The following TBX4 variants were observed in gnomAD, a reference collection of about 807,000 sequenced individuals.
TBX4 encodes the protein T-box transcription factor 4, also known as T-box transcription factor TBX4.
Under a neutral mutation model 54.6 loss-of-function variants are expected in TBX4, and 13 were observed. The ratio of observed to expected loss-of-function variants is 0.24; its 90% CI spans 0.15 to 0.38. TBX4 has a LOEUF of 0.38. Among genes scored for constraint, TBX4 ranks in the 10% least tolerant of loss-of-function variants. The pLI is 1.00. For missense variants in TBX4, 631 were observed against 728.5 expected, an observed-to-expected ratio of 0.87 and a Z score of 1.54; for synonymous variants, 314 against 306.7, an observed-to-expected ratio of 1.02 and a Z score of -0.25.
Position 61,474,575 on chromosome 17 carries a change from A to G in TBX4, c.550-4052A>G, listed in dbSNP as rs937837967. Among the ~76,000 whole-genome samples, 1 of 152,228 alleles carries G rather than the reference A, an allele frequency of 6.6e-6. No homozygotes were observed. The highest frequency in any genetic ancestry group is 1.5e-5 in the Non-Finnish European group (1 of 68,044). ...AGCACGCTATGGCGATCTCTTGAGG[A>G]GAGGGATGTTTGGCGCAATTGCAGT... On this transcript the variant is annotated intron_variant, in intron 5 of 8. Coordinates refer to ENST00000644296, the MANE Select transcript of TBX4 (RefSeq NM_001321120.2). This position sits in a 1 kb window ranked among gnomAD's most constrained non-coding sequence, Gnocchi z 4.6.
chr17:61,470,533 T>C (rs750489834), intron 5 of TBX4, among the ~76,000 whole-genome samples: 1 of 152,088 alleles, frequency 6.6e-6, no homozygotes, highest in Non-Finnish European at 1.5e-5. Flanking sequence ...TCCTTGTGGG[T>C]TTTTGCTGTG....
In TBX4 at chr17:61,472,619, A is replaced by T. The variant is rs1254394100; in HGVS notation, c.549+4962A>T. 6.6e-6 allele frequency among the ~76,000 whole-genome samples: 1 copy of T among 152,218 alleles called. No individual in the cohort carries two copies. The highest frequency in any genetic ancestry group is 1.9e-4 in the East Asian group (1 of 5,200). ...ATTCCCACACCGATGCTTTTGATTG[A>T]ATTGACCAGTCTTTTCCTTATAGAT... On this transcript the variant is annotated intron_variant, in intron 5 of 8. Transcript: ENST00000644296. The surrounding 1 kb of genome is among the most constrained non-coding windows in gnomAD (Gnocchi z 4.5).
chr17:61,482,803 A>C, intron 8 of TBX4, 94 bp from the exon 9 acceptor site: 2 of 1,569,000 alleles, frequency 1.3e-6, no homozygotes, highest in Admixed American at 3.5e-5. Flanking sequence ...GCGGGCGCAG[A>C]GGGACAAGGA....
At position 61,456,586 on chromosome 17, in the gene TBX4, C is replaced by G. The variant is rs1439548092; in HGVS notation, c.96C>G (p.Pro32=). 2.6e-6 allele frequency: 4 copies of G among 1,532,614 alleles called. No individual in the cohort carries two copies. 94.9% of individuals were successfully genotyped at this position (1,532,614 alleles called of 1,614,324 possible). A position where few individuals can be genotyped will look rare whatever the true frequency, so the allele number is the denominator to read the frequency against. The change falls in exon 2 of 9, where the codon CCC becomes CCG. Residue 32 remains proline (P), a synonymous_variant. Coordinates refer to ENST00000644296, the MANE Select transcript of TBX4 (RefSeq NM_001321120.2). The stretch of plus-strand genomic sequence containing the variant: ...CCAGCGCAGCCAACGCCCCCGAGCC[C>G]GCGCTGGCAGCGCCGGGCCTCAGCG... ...GEASAANAPE[P]ALAAPGLSGA...
intron 1 of TBX4, chr17:61,453,022 A>G: frequency 8.2e-6 from 8 of 980,930 alleles, no homozygotes; most frequent in Non-Finnish European, 9.7e-6. Context: ...AGAGCCTTTG[A>G]TGCAATAGAC....
rs2060457039 is a variant in TBX4 at position 61,457,114 on chromosome 17, A to C, written c.187-423A>C. The stretch of plus-strand genomic sequence containing the variant: ...CGTCGCCGAGGGCTTCACAGTGATA[A>C]TCGGACGATCACAGCGCACGGGATG... On this transcript the variant is annotated intron_variant, in intron 2 of 8. Transcript: ENST00000644296. This position sits in a 1 kb window ranked among gnomAD's most constrained non-coding sequence, Gnocchi z 8.2. Among the ~76,000 whole-genome samples the C allele has an allele frequency of 6.6e-6, 1 of 152,080 alleles. No homozygotes were observed.
rs112008276 is a variant in TBX4, at chr17:61,480,394, GCCC to G, written c.1021+84_1021+86del. ...GTTCTCCCCGAAACCACTCTGCAGC[GCCC>G]CCCCCCCCAACACACACACACTCAT... On this transcript the variant is annotated intron_variant, in intron 8 of 8. Coordinates refer to ENST00000644296, the MANE Select transcript of TBX4 (RefSeq NM_001321120.2). The surrounding 1 kb of genome is among the most constrained non-coding windows in gnomAD (Gnocchi z 6.2). 1.4e-3 allele frequency: 1,292 copies of G among 936,732 alleles called. 10 individuals are homozygous for G. The African/African-American group carries it at 0.017, about 12-fold the overall frequency. 58.0% of individuals were successfully genotyped at this position (936,732 alleles called of 1,614,324 possible).
At position 61,483,961 on chromosome 17, in the gene TBX4, A is replaced by G. The variant is rs2143874886; in HGVS notation, c.*445A>G. The stretch of plus-strand genomic sequence containing the variant: ...CTGCTGGGGTGTGAGGACTCTGTGC[A>G]CACCTTAGAGTTCCTGGCCTTCTCT... On this transcript the variant is annotated 3_prime_UTR_variant, in exon 9 of 9. Coordinates refer to ENST00000644296, the MANE Select transcript of TBX4 (RefSeq NM_001321120.2). This position sits in a 1 kb window ranked among gnomAD's most constrained non-coding sequence, Gnocchi z 6.6. 1 of 213,962 alleles carries G rather than the reference A, an allele frequency of 4.7e-6. No individual in the cohort carries two copies. Among genetic ancestry groups the G allele is most frequent in the East Asian group, 1.2e-4 (1 of 8,532 alleles). 13.3% of individuals were successfully genotyped at this position (213,962 alleles called of 1,614,324 possible). A position where few individuals can be genotyped will look rare whatever the true frequency, so the allele number is the denominator to read the frequency against.
Position 61,462,232 on chromosome 17 carries a change from C to T in TBX4, c.282-3587C>T, listed in dbSNP as rs971955752. 1.3e-5 allele frequency among the ~76,000 whole-genome samples: 2 copies of T among 152,186 alleles called. No individual in the cohort carries two copies. Among genetic ancestry groups the T allele is most frequent in the Admixed American group, 1.3e-4 (2 of 15,290 alleles). On this transcript the variant is annotated intron_variant, in intron 3 of 8. Coordinates refer to ENST00000644296, the MANE Select transcript of TBX4 (RefSeq NM_001321120.2). The surrounding 1 kb of genome is among the most constrained non-coding windows in gnomAD (Gnocchi z 4.5). ...TAGATAAAGGCTCCAGCTCCGCACC[C>T]TTTCAGAGCCTGTTTCATGATCAGA...
Position 61,452,437 on chromosome 17 carries a change from C to T in TBX4, c.-144C>T, listed in dbSNP as rs2060421281. On this transcript the variant is annotated 5_prime_UTR_variant, in exon 1 of 9. Transcript: ENST00000644296. ...GGCCCGCTCCAGAGCCGGGATGTGT[C>T]CAGCCCCGAGGGCACGGCAGGCAGC... 1 of 152,382 alleles carries T rather than the reference C, an allele frequency of 6.6e-6. No individual in the cohort carries two copies. Among genetic ancestry groups the T allele is most frequent in the African/African-American group, 2.4e-5 (1 of 41,466 alleles). The allele number at this position is 152,382 out of a possible 1,614,324, so 9.4% of individuals were successfully genotyped here.
At chr17:61,455,360 A>G (rs1019625158) in intron 1 of TBX4, among the ~76,000 whole-genome samples, 7 of 152,222 alleles carry the variant, frequency 4.6e-5, no homozygotes, top group Non-Finnish European at 8.8e-5. Context: ...AAGGGCCGTC[A>G]GACCTACAGA....
At position 61,462,647 on chromosome 17, in the gene TBX4, G is replaced by T. The variant is rs1210391606; in HGVS notation, c.282-3172G>T. Among the ~76,000 whole-genome samples, 1 of 152,330 alleles carries T rather than the reference G, an allele frequency of 6.6e-6. No individual in the cohort carries two copies. Among genetic ancestry groups the T allele is most frequent in the Admixed American group, 6.5e-5 (1 of 15,306 alleles). On this transcript the variant is annotated intron_variant, in intron 3 of 8. Transcript: ENST00000644296. The surrounding 1 kb of genome is among the most constrained non-coding windows in gnomAD (Gnocchi z 4.5). The stretch of plus-strand genomic sequence containing the variant: ...GGGACAGGCGGGCTTCACCGCCAGC[G>T]CTGGTGGCAGGGCCTGCGTGGACAC...
intron 5 of TBX4, among the ~76,000 whole-genome samples, chr17:61,471,062 C>A (rs2060574019): frequency 6.6e-6 from 1 of 152,200 alleles, no homozygotes; most frequent in Non-Finnish European, 1.5e-5. Context: ...GTTGGAGGGG[C>A]TGCATTAGCC....
Position 61,483,664 on chromosome 17 carries a change from A to G in TBX4, c.*148A>G, listed in dbSNP as rs111840354. 9.8e-4 allele frequency: 850 copies of G among 865,306 alleles called. 6 individuals are homozygous for G. In the African/African-American group the frequency reaches 0.014, roughly 14 times the overall value. The allele number at this position is 865,306 out of a possible 1,614,324, so 53.6% of individuals were successfully genotyped here. A position where few individuals can be genotyped will look rare whatever the true frequency, so the allele number is the denominator to read the frequency against. ...TGTGTGTGTGTGTGTATACACGAGC[A>G]TGTATGTATTTGGAGAGCATCCATC... On this transcript the variant is annotated 3_prime_UTR_variant, in exon 9 of 9. Coordinates refer to ENST00000644296, the MANE Select transcript of TBX4 (RefSeq NM_001321120.2). This position sits in a 1 kb window ranked among gnomAD's most constrained non-coding sequence, Gnocchi z 6.6.
intron 5 of TBX4, among the ~76,000 whole-genome samples, chr17:61,470,586 C>T (rs1032768871): frequency 3.3e-5 from 5 of 151,666 alleles, no homozygotes; most frequent in African/African-American, 9.7e-5. Context: ...AAGGAATTTT[C>T]CAGTCTGAAC....
rs188295484 is a variant in TBX4, at chr17:61,469,938, C to T, written c.549+2281C>T. ...TTCTGCACAACCACTTCTACGTTTTCAGCTTGCCCTGAAAGCTTCCAGGCC... is the reference window on the plus strand; with the variant it reads ...TTCTGCACAACCACTTCTACGTTTTTAGCTTGCCCTGAAAGCTTCCAGGCC... On this transcript the variant is annotated intron_variant, in intron 5 of 8. Coordinates refer to ENST00000644296, the MANE Select transcript of TBX4 (RefSeq NM_001321120.2). 1.0e-3 allele frequency among the ~76,000 whole-genome samples: 159 copies of T among 152,324 alleles called. No individual in the cohort carries two copies. In the Middle Eastern group the frequency reaches 0.014, roughly 13 times the overall value.
In TBX4 at chr17:61,459,591, A is replaced by T. The variant is rs2060480293; in HGVS notation, c.281+1960A>T. Among the ~76,000 whole-genome samples the T allele has an allele frequency of 6.6e-6, 1 of 152,184 alleles. No homozygotes were observed. Among genetic ancestry groups the T allele is most frequent in the African/African-American group, 2.4e-5 (1 of 41,454 alleles). On this transcript the variant is annotated intron_variant, in intron 3 of 8. Coordinates refer to ENST00000644296, the MANE Select transcript of TBX4 (RefSeq NM_001321120.2). The surrounding 1 kb of genome is among the most constrained non-coding windows in gnomAD (Gnocchi z 4.8). ...CCTCAGTAGTGTTTCCTGCATCTGC[A>T]TGGGTCCTCCTCCTCCCTCTCCCAA...
Position 61,463,034 on chromosome 17 carries a change from A to AG in TBX4, c.282-2780dup, listed in dbSNP as rs1330058123. 12 of 152,506 alleles carry AG rather than the reference A, an allele frequency of 7.9e-5. No homozygotes were observed. In the East Asian group the frequency reaches 2.3e-3, roughly 30 times the overall value. 9.4% of individuals were successfully genotyped at this position (152,506 alleles called of 1,614,324 possible). A position where few individuals can be genotyped will look rare whatever the true frequency, so the allele number is the denominator to read the frequency against. On this transcript the variant is annotated intron_variant, in intron 3 of 8. Transcript: ENST00000644296. ...GGCAGGAAGCCAATGGAGGGGACAG[A>AG]GGGGGCCTCACTTTCACAGGCAGCC...
chr17:61,473,050 G>A (rs2060592002), intron 5 of TBX4, among the ~76,000 whole-genome samples: 1 of 152,158 alleles, frequency 6.6e-6, no homozygotes, highest in Admixed American at 6.5e-5. Flanking sequence ...GAATAAGCTT[G>A]TAGTGTTAAA....
Sources: allele counts gnomAD v4.1 joint callset (sites outside exome capture counted in the v4.1 genomes callset), GRCh38; gene constraint gnomAD v4.1.1; non-coding constraint Gnocchi (gnomAD v3.1); transcripts MANE v1.5; gene names NCBI Gene and HGNC (gene_info 2026-07-23, HGNC 2026-07-21).